MCU: variants seen among roughly 807,000 people sequenced by gnomAD.
The protein encoded by MCU is calcium uniporter protein, mitochondrial.
Under a neutral mutation model 45.2 loss-of-function variants are expected in MCU, and 12 were observed. That is an observed-to-expected ratio of 0.27 (90% CI 0.17 to 0.43). MCU has a LOEUF of 0.43. Ranked by LOEUF, MCU falls within the 20% of genes least tolerant of loss-of-function variation. The pLI is 1.00. For missense variants in MCU, 324 were observed against 436.7 expected (o/e 0.74, Z 2.30); for synonymous variants, 160 against 165.1 (o/e 0.97, Z 0.24).
chr10:72,743,379 C>T lies in MCU; in HGVS notation c.150+51078C>T, dbSNP rs370150243. ...AGTGAGCCGATATTGTGCCACTACA[C>T]TCCAGCCTGCATGACAGAGTGATAC... On this transcript the variant is annotated intron_variant, in intron 1 of 7. Transcript: ENST00000373053. Among the ~76,000 whole-genome samples the T allele has an allele frequency of 5.6e-5, 8 of 143,438 alleles. No individual in the cohort carries two copies. In the East Asian group the frequency reaches 1.0e-3, roughly 19 times the overall value. The allele number at this position is 143,438 out of a possible 152,430, so 94.1% of individuals were successfully genotyped here. A position where few individuals can be genotyped will look rare whatever the true frequency, so the allele number is the denominator to read the frequency against.
intron 1 of MCU, among the ~76,000 whole-genome samples, chr10:72,711,513 G>A (rs545417109): frequency 1.4e-5 from 2 of 147,412 alleles, no homozygotes; most frequent in African/African-American, 2.5e-5. Context: ...GAGCCACTAC[G>A]CCTGGCCTTT....
intron 1 of MCU, among the ~76,000 whole-genome samples, chr10:72,790,755 A>G (rs778793900): frequency 6.6e-6 from 1 of 152,182 alleles, no homozygotes; most frequent in East Asian, 1.9e-4. Context: ...TTATGCCACT[A>G]TGCTCAGAAA....
intron 1 of MCU, among the ~76,000 whole-genome samples, chr10:72,740,377 C>CAA (rs567402147): frequency 2.1e-4 from 23 of 107,370 alleles, no homozygotes; most frequent in African/African-American, 5.6e-4. Flanking sequence ...GACTCTGTCT[C>CAA]AAAAAAAAAA....
intron 2 of MCU, among the ~76,000 whole-genome samples, chr10:72,857,998 T>C (rs1451587498): frequency 3.9e-5 from 6 of 152,224 alleles, no homozygotes; most frequent in Non-Finnish European, 7.3e-5. Context: ...TGCTAACTTA[T>C]GACAACTGAA....
chr10:72,779,357 A>C (rs1241832713), intron 1 of MCU, among the ~76,000 whole-genome samples: 2 of 152,206 alleles, frequency 1.3e-5, no homozygotes, highest in African/African-American at 4.8e-5. Context: ...GTAAACCTTC[A>C]TGGTCTTGGT....
intron 2 of MCU, among the ~76,000 whole-genome samples, chr10:72,844,039 T>A (rs955640362): frequency 3.3e-5 from 5 of 152,042 alleles, no homozygotes; most frequent in Non-Finnish European, 5.9e-5. Context: ...ATCACCTGAG[T>A]TCAGGAGATT....
At chr10:72,816,085 C>A (rs77708798) in intron 1 of MCU, among the ~76,000 whole-genome samples, 1,706 of 152,182 alleles carry the variant, frequency 0.011, 35 homozygotes, top group African/African-American at 0.04. Flanking sequence ...GCACGAGAAT[C>A]ACTTGAAATA....
intron 2 of MCU, among the ~76,000 whole-genome samples, chr10:72,850,183 C>T (rs1422504481): frequency 6.6e-6 from 1 of 152,022 alleles, no homozygotes; most frequent in African/African-American, 2.4e-5. Context: ...GGAATATTAT[C>T]TAACGTTACT....
rs1418522270 is a variant in MCU, at chr10:72,777,428, C to A, written c.151-56931C>A. On this transcript the variant is annotated intron_variant, in intron 1 of 7. Coordinates refer to ENST00000373053, the MANE Select transcript of MCU (RefSeq NM_138357.3). Reference sequence around the variant, plus strand: ...AGCCAGCTGATCTTTGACAAAGGAACCAGAACATACAATGGGGAAAGGACA... The same window carrying A: ...AGCCAGCTGATCTTTGACAAAGGAAACAGAACATACAATGGGGAAAGGACA... Among the ~76,000 whole-genome samples the A allele has an allele frequency of 2.0e-5, 3 of 152,092 alleles. No individual in the cohort carries two copies. The East Asian group carries it at 5.8e-4, about 29-fold the overall frequency.
intron 1 of MCU, among the ~76,000 whole-genome samples, chr10:72,758,684 G>A (rs1194557645): frequency 6.6e-6 from 1 of 152,084 alleles, no homozygotes; most frequent in Non-Finnish European, 1.5e-5. Context: ...TTTGCTGAAT[G>A]GGCCAATTTT....
chr10:72,773,043 A>G (rs529399675), intron 1 of MCU, among the ~76,000 whole-genome samples: 86 of 152,176 alleles, frequency 5.7e-4, no homozygotes, highest in African/African-American at 2.0e-3. Context: ...GGACTACAGG[A>G]ACATGCCACA....
In MCU at chr10:72,807,657, T is replaced by TCA. The variant is rs532045261; in HGVS notation, c.151-26691_151-26690dup. Among the ~76,000 whole-genome samples, 5 of 152,154 alleles carry TCA rather than the reference T, an allele frequency of 3.3e-5. No homozygotes were observed. In the East Asian group the frequency reaches 5.8e-4, roughly 18 times the overall value. ...ATACATACCCACCCTCCCTCTCCTC[T>TCA]CACACACACACATAAGCTTTGCTCA... is the stretch of plus-strand genomic sequence containing the variant. On this transcript the variant is annotated intron_variant, in intron 1 of 7. Transcript: ENST00000373053.
At chr10:72,862,958 T>C (rs1343526081) in intron 4 of MCU, among the ~76,000 whole-genome samples, 2 of 151,810 alleles carry the variant, frequency 1.3e-5, no homozygotes, top group African/African-American at 2.4e-5. Flanking sequence ...CATAGAAAAG[T>C]TCTGAGTGAA....
intron 2 of MCU, among the ~76,000 whole-genome samples, chr10:72,858,437 A>G (rs542433446): frequency 2.0e-5 from 3 of 152,308 alleles, no homozygotes; most frequent in African/African-American, 7.2e-5. Flanking sequence ...CAGGCAAAAA[A>G]AAGGGGCAGT....
chr10:72,813,916 A>G (rs1362462687), intron 1 of MCU, among the ~76,000 whole-genome samples: 2 of 152,156 alleles, frequency 1.3e-5, no homozygotes, highest in African/African-American at 4.8e-5. Context: ...AGGTCTATAC[A>G]TACATATTTT....
chr10:72,774,143 A>G (rs1320447681), intron 1 of MCU, among the ~76,000 whole-genome samples: 1 of 152,204 alleles, frequency 6.6e-6, no homozygotes, highest in Non-Finnish European at 1.5e-5. Context: ...CAGTACACTT[A>G]TAACTCTAAT....
At chr10:72,870,139 A>C (rs919806825) in intron 5 of MCU, among the ~76,000 whole-genome samples, 1 of 152,214 alleles carries the variant, frequency 6.6e-6, no homozygotes, top group Non-Finnish European at 1.5e-5. Context: ...TTCAATTTTA[A>C]GAAATCAGAT....
intron 1 of MCU, among the ~76,000 whole-genome samples, chr10:72,749,887 C>T (rs1282419643): frequency 6.6e-6 from 1 of 152,030 alleles, no homozygotes; most frequent in Admixed American, 6.6e-5. Context: ...CTGCCTCAGC[C>T]TCCCAAGTAG....
intron 1 of MCU, among the ~76,000 whole-genome samples, chr10:72,717,084 C>G (rs563982979): frequency 1.3e-5 from 2 of 151,036 alleles, no homozygotes; most frequent in Admixed American, 1.3e-4. Flanking sequence ...GTTTTCCCTA[C>G]TATTTGAAAG....
Sources: gnomAD v4.1 joint callset for allele counts (sites outside exome capture counted in the v4.1 genomes callset) on GRCh38, gnomAD v4.1.1 for gene constraint, MANE v1.5 for transcripts, NCBI Gene and HGNC (gene_info 2026-07-23, HGNC 2026-07-21) for gene names.